Variants in AFAP1L2 observed in about 807,000 individuals in gnomAD.
The protein encoded by AFAP1L2 is actin filament-associated protein 1-like 2.
Under a neutral mutation model 99.3 loss-of-function variants are expected in AFAP1L2, and 46 were observed. The ratio of observed to expected loss-of-function variants is 0.46; its 90% CI spans 0.37 to 0.59. AFAP1L2 has a LOEUF of 0.59. Ranked by LOEUF, AFAP1L2 falls within the 20% of genes least tolerant of loss-of-function variation. The pLI is 0.00. For synonymous variants in AFAP1L2, 397 were observed against 419.1 expected, an observed-to-expected ratio of 0.95 and a Z score of 0.64; for missense variants, 959 against 1,034.9, an observed-to-expected ratio of 0.93 and a Z score of 1.01.
chr10:114,361,877 TC>T (rs1320515977), intron 1 of AFAP1L2, among the ~76,000 whole-genome samples: 6 of 152,230 alleles, frequency 3.9e-5, no homozygotes, highest in African/African-American at 1.4e-4. Context: ...TATTAGCTTT[TC>T]TGCACCTCTT....
At chr10:114,285,888 G>C in the AFAP1L2 span, 1 of 1,510,028 alleles carries the variant, frequency 6.6e-7, no homozygotes, top group Non-Finnish European at 8.9e-7. Context: ...GGGACAGCTC[G>C]CATGCCGCAT....
At chr10:114,289,403 C>T in the AFAP1L2 span, 1 of 1,601,022 alleles carries the variant, frequency 6.2e-7, no homozygotes, top group Non-Finnish European at 8.6e-7. Context: ...CGGAGGCTTG[C>T]AGGTCCCCGG....
At chr10:114,353,218 TGAAACTTTTGTGGCCATCTCCA>T (rs932785891) in intron 1 of AFAP1L2, among the ~76,000 whole-genome samples, 2 of 152,180 alleles carry the variant, frequency 1.3e-5, no homozygotes, top group Non-Finnish European at 2.9e-5. Flanking sequence ...AATGTTGGCC[TGAAACTTTTGTGGCCATCTCCA>T]GAAACAGTCC....
chr10:114,352,332 G>A (rs896338284), intron 1 of AFAP1L2, among the ~76,000 whole-genome samples: 7 of 151,972 alleles, frequency 4.6e-5, no homozygotes, highest in Non-Finnish European at 8.8e-5. Context: ...AAATTAGCTG[G>A]GCATGGTGGT....
intron 8 of AFAP1L2, 117 bp from the exon 9 acceptor site, chr10:114,308,634 A>G: frequency 1.1e-6 from 1 of 871,902 alleles, no homozygotes. Flanking sequence ...TCAGCTGAGC[A>G]AATCCCTGCC....
Position 114,294,904 on chromosome 10 carries a change from A to G in AFAP1L2, c.*1138T>C. 1 of 981,416 alleles carries G rather than the reference A, an allele frequency of 1.0e-6. No homozygotes were observed. Among genetic ancestry groups the G allele is most frequent in the Non-Finnish European group, 1.2e-6 (1 of 827,218 alleles). 60.8% of individuals were successfully genotyped at this position (981,416 alleles called of 1,614,324 possible). ...AAAGGTCACCAAATGTTTATGAGAGAGGAAATAAGAATAAAAAAGACATTT... is the reference window on the plus strand; with the variant it reads ...AAAGGTCACCAAATGTTTATGAGAGGGGAAATAAGAATAAAAAAGACATTT... On this transcript the variant is annotated 3_prime_UTR_variant, in exon 19 of 19. Coordinates refer to ENST00000304129, the MANE Select transcript of AFAP1L2 (RefSeq NM_001001936.3).
At chr10:114,384,235 C>A (rs1359081118) in intron 1 of AFAP1L2, among the ~76,000 whole-genome samples, 1 of 152,158 alleles carries the variant, frequency 6.6e-6, no homozygotes, top group South Asian at 2.1e-4. Flanking sequence ...AGCCACGAAT[C>A]CCATCCTTGC....
intron 11 of AFAP1L2, among the ~76,000 whole-genome samples, chr10:114,304,300 A>C (rs1160947539): frequency 6.6e-6 from 1 of 152,142 alleles, no homozygotes; most frequent in Non-Finnish European, 1.5e-5. Context: ...CAAAGGGAGG[A>C]TGGGGAGCGA....
At position 114,326,139 on chromosome 10, in the gene AFAP1L2, T is replaced by C. The variant is rs11812753; in HGVS notation, c.316-2878A>G. ...GTCTGTCCCTGGGGGCCTCCTGTCC[T>C]GTCTAGGGTGGAGCCAGGCAGTGTT... On this transcript the variant is annotated intron_variant, in intron 4 of 18. Transcript: ENST00000304129. 3.8e-3 allele frequency: 3,510 copies of C among 921,418 alleles called. 86 individuals carry two copies. In the African/African-American group the frequency reaches 0.051, roughly 13 times the overall value. The allele number at this position is 921,418 out of a possible 1,614,324, so 57.1% of individuals were successfully genotyped here.
intron 18 of AFAP1L2, 108 bp from the exon 19 acceptor site, chr10:114,296,176 A>G (rs1193109932): frequency 1.4e-6 from 2 of 1,453,366 alleles, no homozygotes; most frequent in Admixed American, 3.4e-5. Flanking sequence ...AAACTATTTT[A>G]GGCACAGAGG....
At chr10:114,342,856 G>T (rs2135975441) in intron 1 of AFAP1L2, among the ~76,000 whole-genome samples, 1 of 152,346 alleles carries the variant, frequency 6.6e-6, no homozygotes, top group South Asian at 2.1e-4. Flanking sequence ...AGCTCTGACT[G>T]CATCACAGCG....
At chr10:114,353,924 G>GTAT (rs1441945221) in intron 1 of AFAP1L2, among the ~76,000 whole-genome samples, 1 of 152,142 alleles carries the variant, frequency 6.6e-6, no homozygotes, top group East Asian at 1.9e-4. Context: ...CTTGGGAGAC[G>GTAT]GAAGGATGTA....
At chr10:114,389,429 G>T (rs1437334158) in intron 1 of AFAP1L2, among the ~76,000 whole-genome samples, 2 of 152,142 alleles carry the variant, frequency 1.3e-5, no homozygotes, top group African/African-American at 4.8e-5. Flanking sequence ...AAGTGAAGAG[G>T]AGCAAAATGA....
At chr10:114,383,675 A>G (rs536849009) in intron 1 of AFAP1L2, among the ~76,000 whole-genome samples, 110 of 152,358 alleles carry the variant, frequency 7.2e-4, no homozygotes, top group African/African-American at 2.5e-3. Context: ...AATTATTTAA[A>G]ATAACTCCAT....
intron 5 of AFAP1L2, among the ~76,000 whole-genome samples, chr10:114,318,110 A>C (rs1296046096): frequency 6.6e-6 from 1 of 152,248 alleles, no homozygotes; most frequent in African/African-American, 2.4e-5. Flanking sequence ...GCAACATAGA[A>C]AAAGCTCAAA....
intron 5 of AFAP1L2, among the ~76,000 whole-genome samples, chr10:114,319,899 G>A (rs112893367): frequency 9.1e-4 from 139 of 152,272 alleles, no homozygotes; most frequent in Middle Eastern, 6.8e-3. Context: ...GTCACCAAGG[G>A]ACTGTGGGCA....
At chr10:114,323,781 C>A (rs754414693) in intron 4 of AFAP1L2, among the ~76,000 whole-genome samples, 1 of 152,154 alleles carries the variant, frequency 6.6e-6, no homozygotes. Flanking sequence ...AGGGACACAT[C>A]GAAATTTCAG....
rs2054994232 is a variant in AFAP1L2 at position 114,377,712 on chromosome 10, GC to G, written c.16+26727del. Among the ~76,000 whole-genome samples, 1 of 152,156 alleles carries G rather than the reference GC, an allele frequency of 6.6e-6. No individual in the cohort carries two copies. The highest frequency in any genetic ancestry group is 2.1e-4 in the South Asian group (1 of 4,824). ...ACAAAAATGAGCAAGATGCATTTCTGCCCTCAAATGCCTTAATTTCAACTCA... is the reference window on the plus strand; with the variant it reads ...ACAAAAATGAGCAAGATGCATTTCTGCCTCAAATGCCTTAATTTCAACTCA... On this transcript the variant is annotated intron_variant, in intron 1 of 18. Coordinates refer to ENST00000304129, the MANE Select transcript of AFAP1L2 (RefSeq NM_001001936.3). The surrounding 1 kb of genome is among the most constrained non-coding windows in gnomAD (Gnocchi z 4.0).
Position 114,318,886 on chromosome 10 carries a change from G to A in AFAP1L2, c.407-3121C>T, listed in dbSNP as rs1194311449. Among the ~76,000 whole-genome samples the A allele has an allele frequency of 2.6e-5, 4 of 152,120 alleles. No homozygotes were observed. The East Asian group carries it at 7.7e-4, about 29-fold the overall frequency. ...TGCATATTCTTGGCCAGGCATGGTG[G>A]CTCATGCCTGTAATTCCAGTACTTT... On this transcript the variant is annotated intron_variant, in intron 5 of 18. Transcript: ENST00000304129.
Sources: gnomAD v4.1 joint callset for allele counts (sites outside exome capture counted in the v4.1 genomes callset) on GRCh38, gnomAD v4.1.1 for gene constraint, Gnocchi (gnomAD v3.1) non-coding constraint, MANE v1.5 for transcripts, NCBI Gene and HGNC (gene_info 2026-07-23, HGNC 2026-07-21) for gene names.